IL5RA: variants seen among roughly 807,000 people sequenced by gnomAD.
IL5RA encodes interleukin 5 receptor subunit alpha, also known as interleukin-5 receptor subunit alpha.
IL5RA carries 49 observed loss-of-function variants against 50.0 expected under a neutral mutation model. That is an observed-to-expected ratio of 0.98 (90% confidence interval 0.78 to 1.24). The LOEUF (loss-of-function observed/expected upper bound fraction) is 1.24. IL5RA is among the 50% of genes most tolerant of loss of function. The pLI is 0.00. For missense variants in IL5RA, 600 were observed against 500.4 expected, an observed-to-expected ratio of 1.20 and a Z score of -1.90; for synonymous variants, 202 against 174.0, an observed-to-expected ratio of 1.16 and a Z score of -1.26.
At position 3,101,781 on chromosome 3, in the gene IL5RA, C is replaced by T; in HGVS notation, c.278G>A (p.Gly93Asp). ...GATGGTCCGCACACTTGCTGAAAAG[C>T]CTTTGTGGAGGATGGTTACACATTT... ...ESKCVTILHK[G>D]FSASVRTILQ... is the part of the protein sequence containing the mutation. The change falls in exon 5 of 12, where the codon GGC becomes GAC. Residue 93 changes from glycine (G) to aspartate (D), a missense_variant. By Grantham distance (94) the Gly-to-Asp change is moderately conservative. Coordinates refer to ENST00000446632, the MANE Select transcript of IL5RA (RefSeq NM_175726.4). The T allele has an allele frequency of 6.2e-7, 1 of 1,614,016 alleles. No homozygotes were observed. The highest frequency in any genetic ancestry group is 8.5e-7 in the Non-Finnish European group (1 of 1,179,960).
chr3:3,091,988 A>G (rs1298628018), intron 9 of IL5RA: 10 of 1,220,598 alleles, frequency 8.2e-6, no homozygotes, highest in Middle Eastern at 3.1e-4. Flanking sequence ...CTTGGAAAAA[A>G]AACAGGCACC....
chr3:3,084,748 CCTA>C (rs1437010369), intron 9 of IL5RA, among the ~76,000 whole-genome samples: 1 of 152,262 alleles, frequency 6.6e-6, no homozygotes, highest in Non-Finnish European at 1.5e-5. Flanking sequence ...GGATGTCCCA[CCTA>C]CTATCTGTGT....
rs369781226 is a variant in IL5RA at position 3,073,695 on chromosome 3, A to G, written c.1176+1087T>C. 6.6e-4 allele frequency: 265 copies of G among 401,962 alleles called. 4 individuals are homozygous for G. The highest frequency in any genetic ancestry group is 4.9e-3 in the South Asian group (262 of 53,806). The allele number at this position is 401,962 out of a possible 1,614,324, so 24.9% of individuals were successfully genotyped here. On this transcript the variant is annotated intron_variant, in intron 11 of 11. Transcript: ENST00000446632. ...AAATGGAGTGATATGCTATGTTTAT[A>G]GATAAGACTTAGGATGTCACTTTTC...
chr3:3,090,238 C>T lies in IL5RA; in HGVS notation c.994+1986G>A, dbSNP rs1296735895. On this transcript the variant is annotated intron_variant, in intron 9 of 11. Transcript: ENST00000446632. ...GTGGGGCAGGAAAGCTGGATGTTAT[C>T]TCCTTTATCTTGAGAACCCTAGGAA... 8.7e-6 allele frequency: 14 copies of T among 1,606,718 alleles called. No homozygotes were observed. In the South Asian group the frequency reaches 8.9e-5, roughly 10 times the overall value.
chr3:3,094,757 C>T (rs1354118788), intron 8 of IL5RA, among the ~76,000 whole-genome samples: 1 of 152,048 alleles, frequency 6.6e-6, no homozygotes, highest in African/African-American at 2.4e-5. Flanking sequence ...AAATGTTGCT[C>T]TGTCACCCAG....
chr3:3,071,621 G>T (rs1294717865), intron 11 of IL5RA, among the ~76,000 whole-genome samples: 4 of 139,854 alleles, frequency 2.9e-5, no homozygotes, highest in Admixed American at 7.7e-5. Flanking sequence ...GCAAGTTCTG[G>T]CTACATCACC....
chr3:3,099,076 C>A lies in IL5RA; in HGVS notation c.368-786G>T, dbSNP rs1359055232. Among the ~76,000 whole-genome samples the A allele has an allele frequency of 2.0e-5, 3 of 152,208 alleles. No individual in the cohort carries two copies. In the East Asian group the frequency reaches 5.8e-4, roughly 29 times the overall value. On this transcript the variant is annotated intron_variant, in intron 5 of 11. Transcript: ENST00000446632. ...TGATTCATTAGGTTGTATCCAAATT[C>A]TTCATGAATTACATAGGTTGCTGCT... is the stretch of plus-strand genomic sequence containing the variant.
intron 4 of IL5RA, 41 bp from the exon 5 acceptor site, chr3:3,101,871 C>G (rs1703670398): frequency 4.4e-6 from 7 of 1,576,382 alleles, no homozygotes; most frequent in Non-Finnish European, 6.1e-6. Context: ...TAAAAGAGAA[C>G]TAGACTTAAG....
In IL5RA at chr3:3,067,243, T is replaced by C. The variant is rs1702158660; in HGVS notation, c.*2982A>G. 6.6e-6 allele frequency: 1 copy of C among 152,158 alleles called. No homozygotes were observed. Among genetic ancestry groups the C allele is most frequent in the Non-Finnish European group, 1.5e-5 (1 of 68,060 alleles). 9.4% of individuals were successfully genotyped at this position (152,158 alleles called of 1,614,324 possible). ...TGCAGTAGCCCAGTTGTTAGGCACA[T>C]GTGTCTCCTGGTTGCTTCTAACTAA... On this transcript the variant is annotated 3_prime_UTR_variant, in exon 12 of 12. Transcript: ENST00000446632.
At chr3:3,076,357 G>C (rs1347460424) in intron 10 of IL5RA, among the ~76,000 whole-genome samples, 174 bp downstream of exon 10, 1 of 152,082 alleles carries the variant, frequency 6.6e-6, no homozygotes, top group African/African-American at 2.4e-5. Context: ...ATCACCTCTG[G>C]ACATTTCCAC....
intron 9 of IL5RA, among the ~76,000 whole-genome samples, chr3:3,090,580 T>C (rs186689672): frequency 1.6e-3 from 246 of 149,668 alleles, no homozygotes; most frequent in African/African-American, 5.8e-3. Context: ...CTTTTTTTTT[T>C]TTTTGAGATG....
intron 5 of IL5RA, among the ~76,000 whole-genome samples, chr3:3,099,408 T>A (rs1394538240): frequency 6.9e-6 from 1 of 144,972 alleles, no homozygotes; most frequent in Admixed American, 7.0e-5. Flanking sequence ...GCGGGCAGAT[T>A]GTTTGAGCTC....
chr3:3,083,248 G>A (rs576572336), intron 9 of IL5RA, among the ~76,000 whole-genome samples: 25 of 152,318 alleles, frequency 1.6e-4, no homozygotes, highest in Admixed American at 4.6e-4. Flanking sequence ...CAAATGGACT[G>A]TGGGAGGTAC....
intron 1 of IL5RA, 110 bp from the exon 2 acceptor site, chr3:3,108,801 C>G (rs373162757): frequency 6.6e-6 from 1 of 152,194 alleles, no homozygotes; most frequent in Non-Finnish European, 1.5e-5. Flanking sequence ...GAGTGTGTAA[C>G]AAGCCTGGCC....
chr3:3,074,837 G>T lies in IL5RA; in HGVS notation c.1121C>A (p.Pro374Gln). ...GATATTACTTTTTGGTGCTGGAATT[G>T]GTGGAAACAACTTGATCCATAAATG... ...ICHLWIKLFP[P>Q]IPAPKSNIKD... Residue 374 changes from proline to glutamine, a missense_variant, in exon 11 of 12, where the codon CCA (proline) becomes CAA (glutamine). Coordinates refer to ENST00000446632, the MANE Select transcript of IL5RA (RefSeq NM_175726.4). The T allele has an allele frequency of 6.2e-7, 1 of 1,609,776 alleles. No individual in the cohort carries two copies. Among genetic ancestry groups the T allele is most frequent in the Non-Finnish European group, 8.5e-7 (1 of 1,176,104 alleles).
Position 3,105,026 on chromosome 3 carries a change from C to T in IL5RA, c.-3-39G>A, listed in dbSNP as rs773098190. ...GGGAGATACCAAAATCATCTTGTTG[C>T]TATTTTTAAGAAAAACTGATAGCTG... On this transcript the variant is annotated intron_variant, in intron 2 of 11. Transcript: ENST00000446632. 35 of 1,370,002 alleles carry T rather than the reference C, an allele frequency of 2.6e-5. No individual in the cohort carries two copies. In the Middle Eastern group the frequency reaches 5.4e-4, roughly 21 times the overall value. 84.9% of individuals were successfully genotyped at this position (1,370,002 alleles called of 1,614,324 possible).
Position 3,092,996 on chromosome 3 carries a change from C to T in IL5RA, c.856-634G>A, listed in dbSNP as rs1703197046. On this transcript the variant is annotated intron_variant, in intron 8 of 11. Transcript: ENST00000446632. The surrounding 1 kb of genome is among the most constrained non-coding windows in gnomAD (Gnocchi z 4.2). ...ACTGATATCATATGTCCATGTCGCCCCTCCCCACTCACATCCAGTTTTCAT... is the reference window on the plus strand; with the variant it reads ...ACTGATATCATATGTCCATGTCGCCTCTCCCCACTCACATCCAGTTTTCAT... 6.6e-6 allele frequency among the ~76,000 whole-genome samples: 1 copy of T among 152,030 alleles called. No homozygotes were observed. Among genetic ancestry groups the T allele is most frequent in the Admixed American group, 6.6e-5 (1 of 15,252 alleles).
At chr3:3,076,759 T>C (rs1321670405) in intron 9 of IL5RA, 132 bp from the exon 10 acceptor site, 2 of 562,542 alleles carry the variant, frequency 3.6e-6, no homozygotes, top group Non-Finnish European at 6.4e-6. Context: ...GTTGGGCAAG[T>C]AGCTTAACTT....
chr3:3,086,578 G>C (rs1309662264), intron 9 of IL5RA, among the ~76,000 whole-genome samples: 1 of 151,900 alleles, frequency 6.6e-6, no homozygotes, highest in Non-Finnish European at 1.5e-5. Context: ...CCCAGCTATA[G>C]TCCCAGCTAC....
Sources: gnomAD v4.1 joint callset for allele counts (sites outside exome capture counted in the v4.1 genomes callset) on GRCh38, gnomAD v4.1.1 for gene constraint, Gnocchi (gnomAD v3.1) non-coding constraint, MANE v1.5 for transcripts, NCBI Gene and HGNC (gene_info 2026-07-23, HGNC 2026-07-21) for gene names.